AFAP1L1: variants seen among roughly 807,000 people sequenced by gnomAD.
AFAP1L1 encodes the protein actin filament associated protein 1 like 1.
In AFAP1L1, 77 loss-of-function variants were observed where a neutral mutation model predicts 99.8. The ratio of observed to expected loss-of-function variants is 0.77; its 90% confidence interval spans 0.64 to 0.93. AFAP1L1 has a LOEUF of 0.93. Ranked by LOEUF, AFAP1L1 falls within the 40% of genes least tolerant of loss-of-function variation. The pLI, the probability that AFAP1L1 is intolerant of heterozygous loss-of-function variation, is 0.00. For missense variants in AFAP1L1, 893 were observed against 996.8 expected, an observed-to-expected ratio of 0.90 and a Z score of 1.40; for synonymous variants, 373 against 395.3, an observed-to-expected ratio of 0.94 and a Z score of 0.67.
Position 149,301,127 on chromosome 5 carries a change from C to G in AFAP1L1, c.230-6C>G, listed in dbSNP as rs1374208841. On this transcript the variant is annotated splice_region_variant and splice_polypyrimidine_tract_variant and intron_variant, in intron 3 of 18. Transcript: ENST00000296721. ...TTTCTTTGCCCAATGGCCTGTCCCT[C>G]TGTAGACTGTGACCTGAGTGACCTT... is the stretch of plus-strand genomic sequence containing the variant. 31 of 1,613,602 alleles carry G rather than the reference C, an allele frequency of 1.9e-5. No homozygotes were observed. The highest frequency in any genetic ancestry group is 2.6e-5 in the Non-Finnish European group (31 of 1,179,718).
chr5:149,339,987 C>G lies in AFAP1L1; in HGVS notation c.2284-20C>G. 1 of 1,613,842 alleles carries G rather than the reference C, an allele frequency of 6.2e-7. No individual in the cohort carries two copies. Among genetic ancestry groups the G allele is most frequent in the Non-Finnish European group, 8.5e-7 (1 of 1,179,832 alleles). On this transcript the variant is annotated intron_variant, in intron 18 of 18. Coordinates refer to ENST00000296721, the MANE Select transcript of AFAP1L1 (RefSeq NM_152406.4). ...TAGACCATTCAGCAAATTGATTTGT[C>G]TTCTCTTTCTGTGCTTCAGGAATGG...
chr5:149,317,693 C>A, intron 11 of AFAP1L1, 36 bp from the exon 12 acceptor site: 1 of 1,608,356 alleles, frequency 6.2e-7, no homozygotes, highest in Non-Finnish European at 8.5e-7. Flanking sequence ...TGTCCCAGGG[C>A]AGGCTATGGG....
At chr5:149,313,138 AAAAG>A (rs1308315477) in intron 9 of AFAP1L1, among the ~76,000 whole-genome samples, 2 of 152,038 alleles carry the variant, frequency 1.3e-5, no homozygotes, top group Admixed American at 6.6e-5. Flanking sequence ...AAAAAAAAAA[AAAAG>A]AGAAGGAGCG....
chr5:149,287,936 T>C (rs543667771), intron 1 of AFAP1L1, among the ~76,000 whole-genome samples: 1 of 152,164 alleles, frequency 6.6e-6, no homozygotes, highest in Non-Finnish European at 1.5e-5. Flanking sequence ...ACCCATCATA[T>C]AGGAAGTGTT....
chr5:149,293,387 T>C (rs576382258), intron 1 of AFAP1L1, among the ~76,000 whole-genome samples: 17 of 152,334 alleles, frequency 1.1e-4, no homozygotes, highest in Non-Finnish European at 2.4e-4. Flanking sequence ...CCATGACTTA[T>C]CTTAAGCATC....
chr5:149,315,972 A>T lies in AFAP1L1; in HGVS notation c.1114+58A>T, dbSNP rs752491608. The T allele has an allele frequency of 4.0e-4, 648 of 1,604,014 alleles. 1 individual carries two copies. The highest frequency in any genetic ancestry group is 5.0e-4 in the Non-Finnish European group (591 of 1,171,274). ...GCTGGAACTGGGCCGGGCCTTGCCC[A>T]TGGGCACACAGCGGCAGAGCAGGTT... is the stretch of plus-strand genomic sequence containing the variant. On this transcript the variant is annotated intron_variant, in intron 10 of 18. Coordinates refer to ENST00000296721, the MANE Select transcript of AFAP1L1 (RefSeq NM_152406.4).
At chr5:149,292,995 T>A (rs1250536888) in intron 1 of AFAP1L1, among the ~76,000 whole-genome samples, 1 of 152,178 alleles carries the variant, frequency 6.6e-6, no homozygotes, top group African/African-American at 2.4e-5. Flanking sequence ...CTTCGCCAGC[T>A]CCTTGTGCCA....
At chr5:149,329,643 T>C (rs867120449) in intron 15 of AFAP1L1, 23 bp from the exon 16 acceptor site, 1 of 1,602,248 alleles carries the variant, frequency 6.2e-7, no homozygotes, top group Non-Finnish European at 8.5e-7. Context: ...CTGAGGGCCT[T>C]TCCCTTCCCC....
intron 18 of AFAP1L1, 107 bp from the exon 19 acceptor site, chr5:149,339,900 A>C: frequency 8.0e-7 from 1 of 1,246,792 alleles, no homozygotes; most frequent in Non-Finnish European, 1.1e-6. Flanking sequence ...ACCCAACGCA[A>C]CCTGGCTAGT....
intron 17 of AFAP1L1, among the ~76,000 whole-genome samples, chr5:149,334,487 G>A (rs1757348204): frequency 6.6e-6 from 1 of 152,136 alleles, no homozygotes; most frequent in South Asian, 2.1e-4. Flanking sequence ...TTCCTTGCAG[G>A]TTTAGCTGTT....
Position 149,316,223 on chromosome 5 carries a change from G to C in AFAP1L1, c.1187G>C (p.Arg396Pro). 1 of 1,614,094 alleles carries C rather than the reference G, an allele frequency of 6.2e-7. No individual in the cohort carries two copies. ...MSRAAGRKITRIIGFSKKKTL... is the reference protein window; with the variant it reads ...MSRAAGRKITPIIGFSKKKTL... ...AGGGCTGCGGGCCGCAAGATCACCC[G>C]TATCATTGGCTTCTCCAAGAAGAAG... Residue 396 changes from arginine (R) to proline (P), a missense_variant, in exon 11 of 19, where the codon CGT becomes CCT. Arg to Pro is a moderately radical substitution (Grantham distance 103). Transcript: ENST00000296721.
intron 9 of AFAP1L1, chr5:149,312,481 A>G: frequency 6.2e-6 from 3 of 482,582 alleles, no homozygotes; most frequent in Non-Finnish European, 1.1e-5. Context: ...CAATTGTGCC[A>G]TGAAAAATAA....
At chr5:149,318,085 C>T in intron 12 of AFAP1L1, 145 bp downstream of exon 12, 1 of 921,228 alleles carries the variant, frequency 1.1e-6, no homozygotes, top group Non-Finnish European at 1.6e-6. Context: ...TCAGGTGACC[C>T]AAGTAGATTA....
chr5:149,288,310 A>G (rs921822137), intron 1 of AFAP1L1, among the ~76,000 whole-genome samples: 2 of 152,256 alleles, frequency 1.3e-5, no homozygotes, highest in African/African-American at 4.8e-5. Flanking sequence ...GCCTTTAGAC[A>G]AATGACAGTG....
At chr5:149,305,344 C>A (rs1000925580) in intron 5 of AFAP1L1, among the ~76,000 whole-genome samples, 2 of 152,234 alleles carry the variant, frequency 1.3e-5, no homozygotes, top group Non-Finnish European at 2.9e-5. Flanking sequence ...ATCTGAGCTT[C>A]AAAGTATGTT....
At chr5:149,299,992 C>T (rs1436856575) in intron 2 of AFAP1L1, among the ~76,000 whole-genome samples, 1 of 152,158 alleles carries the variant, frequency 6.6e-6, no homozygotes, top group Non-Finnish European at 1.5e-5. Flanking sequence ...ACACCCACCA[C>T]ACCTGACACA....
At chr5:149,324,803 A>G (rs1490067512) in intron 15 of AFAP1L1, among the ~76,000 whole-genome samples, 1 of 152,164 alleles carries the variant, frequency 6.6e-6, no homozygotes, top group East Asian at 1.9e-4. Flanking sequence ...GTTCTTTGCC[A>G]TGGGGATTTC....
At chr5:149,308,476 T>G (rs370555488) in intron 7 of AFAP1L1, among the ~76,000 whole-genome samples, 5 of 152,338 alleles carry the variant, frequency 3.3e-5, no homozygotes, top group African/African-American at 1.2e-4. Flanking sequence ...GAAGGATTTT[T>G]TTATATTTAC....
intron 7 of AFAP1L1, among the ~76,000 whole-genome samples, chr5:149,307,857 T>TCTCTCTCTCTCTCTCTCTCTCTCTCTC (rs57582125): frequency 4.1e-5 from 6 of 147,644 alleles, no homozygotes; most frequent in African/African-American, 7.5e-5. Context: ...TCTCTCTCTC[T>TCTCTCTCTCTCTCTCTCTCTCTCTCTC]TAAATTTAAA....
Sources: gnomAD v4.1 joint callset for allele counts (sites outside exome capture counted in the v4.1 genomes callset) on GRCh38, gnomAD v4.1.1 for gene constraint, MANE v1.5 for transcripts, NCBI Gene and HGNC (gene_info 2026-07-23, HGNC 2026-07-21) for gene names.